UQCRFS1: variants seen among roughly 807,000 people sequenced by gnomAD.
UQCRFS1 encodes cytochrome b-c1 complex subunit Rieske, mitochondrial.
In UQCRFS1, 6 loss-of-function variants were observed where a neutral mutation model predicts 15.6. The ratio of observed to expected loss-of-function variants is 0.38; its 90% CI spans 0.21 to 0.76. The LOEUF (loss-of-function observed/expected upper bound fraction) is 0.76. Among genes scored for constraint, UQCRFS1 ranks in the 30% least tolerant of loss-of-function variants. UQCRFS1 has a pLI of 0.44. For missense variants in UQCRFS1, 203 were observed against 366.7 expected (o/e 0.55, Z 3.65); for synonymous variants, 105 against 154.3 (o/e 0.68, Z 2.37).
At chr19:29,209,983 A>T (rs962933320) in intron 1 of UQCRFS1, among the ~76,000 whole-genome samples, 5 of 152,216 alleles carry the variant, frequency 3.3e-5, no homozygotes, top group Non-Finnish European at 5.9e-5. Flanking sequence ...TGCAAAAATC[A>T]TTCTCCAAAT....
intron 1 of UQCRFS1, among the ~76,000 whole-genome samples, chr19:29,212,204 G>C (rs1976661203): frequency 6.6e-6 from 1 of 152,134 alleles, no homozygotes; most frequent in Non-Finnish European, 1.5e-5. Context: ...CAGTGGCTAC[G>C]ACAATTCGTC....
intron 1 of UQCRFS1, among the ~76,000 whole-genome samples, chr19:29,212,412 G>C (rs1417026848): frequency 6.6e-6 from 1 of 150,944 alleles, no homozygotes; most frequent in Non-Finnish European, 1.5e-5. Flanking sequence ...GGGTGATGAA[G>C]GGGAAGGACA....
At position 29,208,145 on chromosome 19, in the gene UQCRFS1, A is replaced by G. The variant is rs754841575; in HGVS notation, c.228T>C (p.Val76=). ...ASVGLNVPAS[V]CYSHTDIKVP... ...CCTTGATGTCTGTGTGGGAATAACA[A>G]ACAGAAGCAGGGACTGCAAGACAAA... The change falls in exon 2 of 2, where the codon GTT becomes GTC. Residue 76 remains valine (V), a synonymous_variant. Transcript: ENST00000304863. 4 of 1,610,638 alleles carry G rather than the reference A, an allele frequency of 2.5e-6. No individual in the cohort carries two copies. The South Asian group carries it at 4.4e-5, about 18-fold the overall frequency.
At chr19:29,209,953 C>T (rs911380401) in intron 1 of UQCRFS1, among the ~76,000 whole-genome samples, 3 of 152,070 alleles carry the variant, frequency 2.0e-5, no homozygotes, top group South Asian at 2.1e-4. Flanking sequence ...AGAATCCTTT[C>T]GGAAATTAAA....
intron 1 of UQCRFS1, among the ~76,000 whole-genome samples, chr19:29,209,120 GAC>G (rs71960487): frequency 0.18 from 28,005 of 151,658 alleles, 2,730 homozygotes; most frequent in Admixed American, 0.27. Context: ...ACAAAAACAA[GAC>G]ACAGTTACAT....
Position 29,208,873 on chromosome 19 carries a change from G to T in UQCRFS1, c.215-715C>A, listed in dbSNP as rs896899199. Among the ~76,000 whole-genome samples, 6 of 152,122 alleles carry T rather than the reference G, an allele frequency of 3.9e-5. 2 individuals are homozygous for T. In the South Asian group the frequency reaches 1.0e-3, roughly 26 times the overall value. Reference sequence around the variant, plus strand: ...TCAAAATAAAATGAAAACTGCAAAAGAACTAATTATTTCAATTTAGCAAGG... The same window carrying T: ...TCAAAATAAAATGAAAACTGCAAAATAACTAATTATTTCAATTTAGCAAGG... On this transcript the variant is annotated intron_variant, in intron 1 of 1. Transcript: ENST00000304863.
rs763287970 is a variant in UQCRFS1, at chr19:29,208,040, T to C, written c.333A>G (p.Lys111=). 2 of 1,614,042 alleles carry C rather than the reference T, an allele frequency of 1.2e-6. No individual in the cohort carries two copies. Among genetic ancestry groups the C allele is most frequent in the South Asian group, 2.2e-5 (2 of 91,076 alleles). ...CTCCAGTTACCAAATAGGAGAAACC[T>C]TTCCTAGCCTCGCTGCTTTCTCTTG... ...KSSRESSEAR[K]GFSYLVTGVT... Residue 111 remains lysine, a synonymous_variant, in exon 2 of 2, where the codon AAA becomes AAG. Transcript: ENST00000304863.
chr19:29,211,733 G>C (rs532532770), intron 1 of UQCRFS1, among the ~76,000 whole-genome samples: 48 of 152,314 alleles, frequency 3.2e-4, no homozygotes, highest in African/African-American at 1.1e-3. Context: ...TGGACATGTA[G>C]CAACTTAGTG....
chr19:29,212,762 G>A (rs1976672118), intron 1 of UQCRFS1, 143 bp downstream of exon 1: 2 of 874,326 alleles, frequency 2.3e-6, no homozygotes, highest in African/African-American at 1.8e-5. Context: ...CGAGCCCGGG[G>A]GCCAGGCCCA....
At position 29,205,917 on chromosome 19, in the gene UQCRFS1, C is replaced by G. The variant is rs952109640; in HGVS notation, c.*1631G>C. On this transcript the variant is annotated 3_prime_UTR_variant, in exon 2 of 2. Transcript: ENST00000304863. ...GCCACCAAATATAGCAATTCCGGCACTAAGTGAGTACCTAGAGACCTGCAA... is the reference window on the plus strand; with the variant it reads ...GCCACCAAATATAGCAATTCCGGCAGTAAGTGAGTACCTAGAGACCTGCAA... 1 of 152,204 alleles carries G rather than the reference C, an allele frequency of 6.6e-6. No homozygotes were observed. The highest frequency in any genetic ancestry group is 2.4e-5 in the African/African-American group (1 of 41,454). The allele number at this position is 152,204 out of a possible 1,614,324, so 9.4% of individuals were successfully genotyped here. A position where few individuals can be genotyped will look rare whatever the true frequency, so the allele number is the denominator to read the frequency against.
rs930768797 is a variant in UQCRFS1 at position 29,205,687 on chromosome 19, T to G, written c.*1861A>C. 5.3e-5 allele frequency: 8 copies of G among 152,210 alleles called. No individual in the cohort carries two copies. The highest frequency in any genetic ancestry group is 2.1e-4 in the South Asian group (1 of 4,820). 9.4% of individuals were successfully genotyped at this position (152,210 alleles called of 1,614,324 possible). The stretch of plus-strand genomic sequence containing the variant: ...CTGGTCAGGTTTATTCTGTAAGTAA[T>G]TTTCTCCTACTATCTAGGATTTTGT... On this transcript the variant is annotated 3_prime_UTR_variant, in exon 2 of 2. Coordinates refer to ENST00000304863, the MANE Select transcript of UQCRFS1 (RefSeq NM_006003.3).
At chr19:29,209,762 T>TAA (rs111692074) in intron 1 of UQCRFS1, among the ~76,000 whole-genome samples, 2,172 of 152,196 alleles carry the variant, frequency 0.014, 58 homozygotes, top group African/African-American at 0.049. Context: ...CCCTAAAAGA[T>TAA]AAAGGAATAA....
intron 1 of UQCRFS1, among the ~76,000 whole-genome samples, chr19:29,210,608 GTGTT>G (rs1413085227): frequency 1.3e-5 from 2 of 149,124 alleles, no homozygotes; most frequent in African/African-American, 2.5e-5. Context: ...AGAACATGCA[GTGTT>G]TGTTTTTTGT....
intron 1 of UQCRFS1, among the ~76,000 whole-genome samples, chr19:29,211,973 C>T (rs1976657152): frequency 6.6e-6 from 1 of 152,148 alleles, no homozygotes; most frequent in South Asian, 2.1e-4. Flanking sequence ...TGGAATTTTC[C>T]CAAGTAGAAA....
chr19:29,207,715 G>A lies in UQCRFS1; in HGVS notation c.658C>T (p.Leu220Phe). The change falls in exon 2 of 2, where the codon CTT (leucine) becomes TTT (phenylalanine). Residue 220 changes from leucine (L) to phenylalanine (F), a missense_variant. By Grantham distance (22) the Leu-to-Phe change is conservative (BLOSUM62 0). Coordinates refer to ENST00000304863, the MANE Select transcript of UQCRFS1 (RefSeq NM_006003.3). ...GCATTTGCAATGGGTACACAGCCAA[G>A]ATGAGTGCAAACACCTATCAGGATA... ...WVILIGVCTH[L>F]GCVPIANAGD... 6.2e-7 allele frequency: 1 copy of A among 1,613,972 alleles called. No homozygotes were observed. The highest frequency in any genetic ancestry group is 1.1e-5 in the South Asian group (1 of 91,080).
intron 1 of UQCRFS1, among the ~76,000 whole-genome samples, chr19:29,210,948 A>T (rs1333973784): frequency 2.6e-5 from 4 of 151,894 alleles, no homozygotes; most frequent in African/African-American, 9.7e-5. Flanking sequence ...GACTTCCACA[A>T]TGGTTGAACT....
At chr19:29,210,385 A>C (rs951668868) in intron 1 of UQCRFS1, among the ~76,000 whole-genome samples, 2 of 151,858 alleles carry the variant, frequency 1.3e-5, no homozygotes, top group African/African-American at 4.8e-5. Flanking sequence ...TTATACTTTA[A>C]GTTTTAGGGT....
rs1433878825 is a variant in UQCRFS1, at chr19:29,212,949, C to A, written c.170G>T (p.Gly57Val). 1 of 1,403,830 alleles carries A rather than the reference C, an allele frequency of 7.1e-7. No individual in the cohort carries two copies. 87.0% of individuals were successfully genotyped at this position (1,403,830 alleles called of 1,614,324 possible). Residue 57 changes from glycine (G) to valine (V), a missense_variant, in exon 1 of 2, where the codon GGC becomes GTC. Gly to Val is a moderately radical substitution (Grantham distance 109, BLOSUM62 -3). Transcript: ENST00000304863. ...RPFLSRESLS[G>V]QAVRRPLVAS... ...GACCAAAGGCCGGCGCACGGCCTGG[C>A]CGCTCAGCGACTCCCGGCTGAGGAA...
chr19:29,210,085 T>C (rs1976629189), intron 1 of UQCRFS1, among the ~76,000 whole-genome samples: 1 of 152,236 alleles, frequency 6.6e-6, no homozygotes, highest in African/African-American at 2.4e-5. Context: ...GGAGAAAATT[T>C]AAGGAATTTT....
Sources: allele counts gnomAD v4.1 joint callset (sites outside exome capture counted in the v4.1 genomes callset), GRCh38; gene constraint gnomAD v4.1.1; transcripts MANE v1.5; gene names NCBI Gene and HGNC (gene_info 2026-07-23, HGNC 2026-07-21).